Variants in CPNE2 observed in about 807,000 individuals in gnomAD.
The protein encoded by CPNE2 is copine 2, also known as copine-2.
In CPNE2, 42 loss-of-function variants were observed where a neutral mutation model predicts 69.7. The ratio of observed to expected loss-of-function variants is 0.60; its 90% CI spans 0.47 to 0.78. CPNE2 has a LOEUF of 0.78. CPNE2 is among the 30% of genes least tolerant of loss of function. The probability of loss-of-function intolerance (pLI) is 0.00; values close to 1 mark genes in which losing one functional copy is unlikely to be tolerated. For missense variants in CPNE2, 587 were observed against 732.0 expected (o/e 0.80, Z 2.29); for synonymous variants, 294 against 289.8 (o/e 1.01, Z -0.15).
Position 57,121,704 on chromosome 16 carries a change from C to T in CPNE2, c.811C>T (p.Gln271Ter). The part of the protein sequence containing the change: ...LEFECINPKK[Q>*]RKKKNYKNSG... Reference sequence around the variant, plus strand: ...GTTCGAGTGCATCAACCCCAAGAAGCAGAGGAAGAAGAAGAACTATAAAAA... The same window carrying T: ...GTTCGAGTGCATCAACCCCAAGAAGTAGAGGAAGAAGAAGAACTATAAAAA... Residue 271 changes from glutamine to a stop codon, truncating the protein, a stop_gained, in exon 9 of 16, where the codon CAG becomes TAG. Coordinates refer to ENST00000290776, the MANE Select transcript of CPNE2 (RefSeq NM_152727.6). LOFTEE classifies it high-confidence loss of function. The T allele has an allele frequency of 6.2e-7, 1 of 1,614,168 alleles. No homozygotes were observed.
Position 57,119,662 on chromosome 16 carries a change from C to G in CPNE2, c.681+12C>G, listed in dbSNP as rs1311299798. On this transcript the variant is annotated intron_variant, in intron 7 of 15. Transcript: ENST00000290776. ...AGAAGCCCATCCAGGTGAGGGGGCT[C>G]TGGGGACCCTGCTCCCCACCTTGCC... The G allele has an allele frequency of 6.3e-7, 1 of 1,583,280 alleles. No individual in the cohort carries two copies. Among genetic ancestry groups the G allele is most frequent in the South Asian group, 1.1e-5 (1 of 88,100 alleles).
chr16:57,128,187 T>C (rs962789354), intron 12 of CPNE2, among the ~76,000 whole-genome samples: 1 of 152,166 alleles, frequency 6.6e-6, no homozygotes, highest in Non-Finnish European at 1.5e-5. Flanking sequence ...CCAGTTAAGT[T>C]TGAATTTCAG....
intron 3 of CPNE2, among the ~76,000 whole-genome samples, chr16:57,114,177 G>T (rs1208137729): frequency 1.3e-5 from 2 of 152,220 alleles, no homozygotes; most frequent in African/African-American, 4.8e-5. Context: ...AAGAAGCAGG[G>T]TACAGTAGTC....
At chr16:57,102,674 T>A (rs917181473) in intron 1 of CPNE2, among the ~76,000 whole-genome samples, 7 of 151,816 alleles carry the variant, frequency 4.6e-5, no homozygotes, top group African/African-American at 1.7e-4. Context: ...CGATCTCAGC[T>A]CATTGCAACC....
At chr16:57,097,805 C>T (rs2069587150) in intron 1 of CPNE2, among the ~76,000 whole-genome samples, 1 of 152,236 alleles carries the variant, frequency 6.6e-6, no homozygotes, top group African/African-American at 2.4e-5. Context: ...CCATGGGAGT[C>T]CCCTGCCCTC....
rs1433308849 is a variant in CPNE2, at chr16:57,146,842, C to G, written c.1539+521C>G. On this transcript the variant is annotated intron_variant, in intron 15 of 15. Coordinates refer to ENST00000290776, the MANE Select transcript of CPNE2 (RefSeq NM_152727.6). This position sits in a 1 kb window ranked among gnomAD's most constrained non-coding sequence, Gnocchi z 4.4. ...GCTTTATTTGCAGGTGATCCCAGAT[C>G]TGCCCACAAGGAGGCCGGGGTTGGC... 6.1e-6 allele frequency: 1 copy of G among 163,104 alleles called. No homozygotes were observed. The highest frequency in any genetic ancestry group is 2.4e-5 in the African/African-American group (1 of 41,494). The allele number at this position is 163,104 out of a possible 1,614,324, so 10.1% of individuals were successfully genotyped here.
chr16:57,109,909 G>C (rs1468884907), intron 1 of CPNE2, among the ~76,000 whole-genome samples: 4 of 152,166 alleles, frequency 2.6e-5, no homozygotes, highest in African/African-American at 9.7e-5. Context: ...GAGTTGCTCT[G>C]GTTTAAACGC....
At chr16:57,133,730 C>G (rs2069855657) in intron 12 of CPNE2, among the ~76,000 whole-genome samples, 1 of 152,264 alleles carries the variant, frequency 6.6e-6, no homozygotes, top group East Asian at 1.9e-4. Context: ...GCAGCCTGAC[C>G]TCAGTTCGAG....
chr16:57,098,849 G>C lies in CPNE2; in HGVS notation c.-36+6059G>C, dbSNP rs563206148. On this transcript the variant is annotated intron_variant, in intron 1 of 15. Transcript: ENST00000290776. The stretch of plus-strand genomic sequence containing the variant: ...GTGAGGGCGACGCTTCTAAGCCAAT[G>C]GTTACAGTATGCTGATATTGTAAGT... Among the ~76,000 whole-genome samples the C allele has an allele frequency of 4.6e-5, 7 of 152,244 alleles. No individual in the cohort carries two copies. The South Asian group carries it at 1.0e-3, about 23-fold the overall frequency.
chr16:57,115,910 G>A (rs1285555907), intron 4 of CPNE2, among the ~76,000 whole-genome samples: 7 of 152,224 alleles, frequency 4.6e-5, no homozygotes, highest in Non-Finnish European at 7.3e-5. Flanking sequence ...CAGTAATTCC[G>A]CTGGAGATGC....
chr16:57,103,389 GT>G (rs1398285230), intron 1 of CPNE2, among the ~76,000 whole-genome samples: 9 of 152,180 alleles, frequency 5.9e-5, no homozygotes, highest in Non-Finnish European at 1.3e-4. Flanking sequence ...CTCCCAAAGT[GT>G]TAGGATCATA....
Position 57,134,806 on chromosome 16 carries a change from C to G in CPNE2, c.1148C>G (p.Pro383Arg). The G allele has an allele frequency of 6.2e-7, 1 of 1,613,982 alleles. No homozygotes were observed. The highest frequency in any genetic ancestry group is 1.1e-5 in the South Asian group (1 of 91,064). Reference protein sequence around the residue: ...VSHEFAINFNPTNPFCSGVDG... With the variant: ...VSHEFAINFNRTNPFCSGVDG... ...CATGAGTTTGCCATCAACTTCAACC[C>G]CACCAACCCCTTCTGCTCAGGTGAG... The change falls in exon 13 of 16, where the codon CCC (proline) becomes CGC (arginine). Residue 383 changes from proline to arginine, a missense_variant. By Grantham distance (103) the Pro-to-Arg change is moderately radical. Coordinates refer to ENST00000290776, the MANE Select transcript of CPNE2 (RefSeq NM_152727.6).
chr16:57,139,819 G>A (rs78382585), intron 14 of CPNE2, among the ~76,000 whole-genome samples: 22 of 152,094 alleles, frequency 1.4e-4, no homozygotes, highest in African/African-American at 3.6e-4. Context: ...GAATCCTGCC[G>A]CTGTCCCTTC....
In CPNE2 at chr16:57,117,574, C is replaced by A. The variant is rs562944644; in HGVS notation, c.507+7C>A. ...CAGGAGGCTGGACAAGAAGGTAAGGCGGGCAGAGGAAGGGCTCCCATTGGG... is the reference window on the plus strand; with the variant it reads ...CAGGAGGCTGGACAAGAAGGTAAGGAGGGCAGAGGAAGGGCTCCCATTGGG... On this transcript the variant is annotated splice_region_variant and intron_variant, in intron 5 of 15. Coordinates refer to ENST00000290776, the MANE Select transcript of CPNE2 (RefSeq NM_152727.6). 1 of 1,613,120 alleles carries A rather than the reference C, an allele frequency of 6.2e-7. No homozygotes were observed. The highest frequency in any genetic ancestry group is 8.5e-7 in the Non-Finnish European group (1 of 1,179,654).
chr16:57,129,331 A>G (rs1431866966), intron 12 of CPNE2, among the ~76,000 whole-genome samples: 3 of 152,164 alleles, frequency 2.0e-5, no homozygotes, highest in East Asian at 3.9e-4. Context: ...TGGAGGGTGG[A>G]GAGAAGGGGC....
intron 3 of CPNE2, among the ~76,000 whole-genome samples, chr16:57,114,672 C>G (rs571201414): frequency 5.3e-5 from 8 of 152,278 alleles, no homozygotes; most frequent in Non-Finnish European, 1.5e-5. Flanking sequence ...AAGCACGAAC[C>G]ATGCTGGCCC....
chr16:57,145,736 C>T (rs2069952311), intron 14 of CPNE2: 4 of 274,842 alleles, frequency 1.5e-5, no homozygotes, highest in Admixed American at 5.0e-5. Flanking sequence ...TGAGGCACTA[C>T]GAGTCAAGTC....
intron 10 of CPNE2, chr16:57,125,333 A>G (rs2069792715): frequency 2.2e-6 from 1 of 455,918 alleles, no homozygotes; most frequent in East Asian, 7.0e-5. Flanking sequence ...CTGATCGGGG[A>G]GACGGGCACT....
Position 57,137,246 on chromosome 16 carries a change from G to A in CPNE2, c.1266G>A (p.Arg422=). Residue 422 remains arginine (R), a synonymous_variant, in exon 14 of 16, where the codon CGG becomes CGA. Transcript: ENST00000290776. Reference sequence around the variant, plus strand: ...CCCCCATCGTCAACCACGTGGCCCGGTTTGCGGCCCAGGCCACACAACAGC... The same window carrying A: ...CCCCCATCGTCAACCACGTGGCCCGATTTGCGGCCCAGGCCACACAACAGC... ...NFSPIVNHVA[R]FAAQATQQRT... 3.1e-6 allele frequency: 5 copies of A among 1,614,202 alleles called. No homozygotes were observed. Among genetic ancestry groups the A allele is most frequent in the Non-Finnish European group, 4.2e-6 (5 of 1,180,028 alleles).
Sources: allele counts gnomAD v4.1 joint callset (sites outside exome capture counted in the v4.1 genomes callset), GRCh38; gene constraint gnomAD v4.1.1; non-coding constraint Gnocchi (gnomAD v3.1); transcripts MANE v1.5; gene names NCBI Gene and HGNC (gene_info 2026-07-23, HGNC 2026-07-21).